Variants in HEMK2 observed in about 807,000 individuals in gnomAD.
HEMK2 encodes the protein HemK methyltransferase 2, ETF1 glutamine and histone H4 lysine, also known as methyltransferase HEMK2.
At chr21:28,712,125 C>T in the HEMK2 span, among the ~76,000 whole-genome samples, 1 of 152,120 alleles carries the variant, frequency 6.6e-6, no homozygotes, top group Non-Finnish European at 1.5e-5. Flanking sequence ...GCATCTTTGC[C>T]TTCAGTTGCA....
the HEMK2 span, among the ~76,000 whole-genome samples, chr21:28,865,212 C>A: frequency 1.3e-5 from 2 of 152,204 alleles, no homozygotes; most frequent in African/African-American, 4.8e-5. Context: ...CTTGCCCAGG[C>A]TGGAGTGCAG....
the HEMK2 span, among the ~76,000 whole-genome samples, chr21:28,635,505 A>G: frequency 1.3e-5 from 2 of 152,180 alleles, no homozygotes; most frequent in African/African-American, 4.8e-5. Flanking sequence ...CATCATTACC[A>G]CTAAAAATTA....
At chr21:28,827,668 C>A in the HEMK2 span, among the ~76,000 whole-genome samples, 1 of 152,226 alleles carries the variant, frequency 6.6e-6, no homozygotes, top group Non-Finnish European at 1.5e-5. Flanking sequence ...ACTTCATGTT[C>A]AAGATCTTAA....
At chr21:28,648,163 C>A in the HEMK2 span, among the ~76,000 whole-genome samples, 1 of 152,206 alleles carries the variant, frequency 6.6e-6, no homozygotes, top group African/African-American at 2.4e-5. Flanking sequence ...ATTATGACAG[C>A]AGCTTAAAAA....
At chr21:28,731,619 G>T in the HEMK2 span, among the ~76,000 whole-genome samples, 1 of 144,862 alleles carries the variant, frequency 6.9e-6, no homozygotes, top group Non-Finnish European at 1.5e-5. Flanking sequence ...GGTAGGGGGA[G>T]GGGGGAGGGA....
chr21:28,635,817 T>G, the HEMK2 span, among the ~76,000 whole-genome samples: 25 of 152,198 alleles, frequency 1.6e-4, no homozygotes, highest in Non-Finnish European at 3.4e-4. Flanking sequence ...ATAATGGAAC[T>G]GATTTGTCTG....
the HEMK2 span, among the ~76,000 whole-genome samples, chr21:28,713,013 T>G: frequency 6.6e-6 from 1 of 152,176 alleles, no homozygotes. Context: ...TTCAGATCTG[T>G]GAAATATGTC....
At chr21:28,671,567 G>A in the HEMK2 span, among the ~76,000 whole-genome samples, 26 of 152,284 alleles carry the variant, frequency 1.7e-4, no homozygotes, top group African/African-American at 6.3e-4. Flanking sequence ...AGAAGACTAT[G>A]ATGATAAATA....
chr21:28,703,584 A>C, the HEMK2 span, among the ~76,000 whole-genome samples: 6 of 152,212 alleles, frequency 3.9e-5, no homozygotes, highest in African/African-American at 9.7e-5. Flanking sequence ...AGCATCTTTT[A>C]TCTGCTCATC....
chr21:28,801,816 T>C, the HEMK2 span, among the ~76,000 whole-genome samples: 13 of 152,238 alleles, frequency 8.5e-5, no homozygotes, highest in Admixed American at 7.8e-4. Context: ...ATAACACTTA[T>C]AAGAAGAGAA....
the HEMK2 span, among the ~76,000 whole-genome samples, chr21:28,791,942 G>GAA: frequency 6.6e-6 from 1 of 150,708 alleles, no homozygotes; most frequent in African/African-American, 2.4e-5. Context: ...ATGCAGAGAA[G>GAA]AAAAAAAAAG....
the HEMK2 span, among the ~76,000 whole-genome samples, chr21:28,813,764 A>G: frequency 6.6e-6 from 1 of 152,210 alleles, no homozygotes; most frequent in East Asian, 1.9e-4. Flanking sequence ...GGCCTCAGAA[A>G]TAACGCCACA....
chr21:28,680,735 G>A, the HEMK2 span, among the ~76,000 whole-genome samples: 33 of 152,118 alleles, frequency 2.2e-4, no homozygotes, highest in Non-Finnish European at 5.9e-5. Context: ...TGGGATGCAA[G>A]GCTGGTTCAA....
chr21:28,840,055 T>G, the HEMK2 span, among the ~76,000 whole-genome samples: 6 of 151,966 alleles, frequency 3.9e-5, no homozygotes, highest in Non-Finnish European at 8.8e-5. Flanking sequence ...AACCCAGAAA[T>G]AAACCCAGAT....
chr21:28,876,481 C>A, the HEMK2 span: 3 of 1,601,634 alleles, frequency 1.9e-6, no homozygotes, highest in East Asian at 4.5e-5. Context: ...TCATTATTTT[C>A]AAAATTTCTT....
chr21:28,832,724 T>C, the HEMK2 span, among the ~76,000 whole-genome samples: 2 of 152,200 alleles, frequency 1.3e-5, no homozygotes, highest in African/African-American at 4.8e-5. Context: ...CACTTATCCA[T>C]TGCTAGAGGA....
chr21:28,619,482 A>G, the HEMK2 span, among the ~76,000 whole-genome samples: 2 of 152,232 alleles, frequency 1.3e-5, no homozygotes, highest in African/African-American at 4.8e-5. Flanking sequence ...TCATGGTCCT[A>G]TAAAAGATGA....
chr21:28,593,121 G>A, the HEMK2 span, among the ~76,000 whole-genome samples: 329 of 152,254 alleles, frequency 2.2e-3, 4 homozygotes, highest in African/African-American at 7.6e-3. Context: ...GCTTGAACCC[G>A]GGAGGTGGAG....
chr21:28,684,641 C>T, the HEMK2 span, among the ~76,000 whole-genome samples: 6 of 152,112 alleles, frequency 3.9e-5, no homozygotes, highest in South Asian at 2.1e-4. Context: ...TTTGAGATTA[C>T]GGCATTCAGG....
Sources: gnomAD v4.1 joint callset for allele counts (sites outside exome capture counted in the v4.1 genomes callset) on GRCh38, gnomAD v4.1.1 for gene constraint, MANE v1.5 for transcripts, NCBI Gene and HGNC (gene_info 2026-07-23, HGNC 2026-07-21) for gene names.